SCAPER: variants seen among roughly 807,000 people sequenced by gnomAD.
SCAPER encodes the protein S-phase cyclin A associated protein in the ER, also known as S phase cyclin A-associated protein in the endoplasmic reticulum.
In SCAPER, 98 loss-of-function variants were observed where a neutral mutation model predicts 182.2. The ratio of observed to expected loss-of-function variants is 0.54; its 90% CI spans 0.46 to 0.64. The LOEUF (loss-of-function observed/expected upper bound fraction) is 0.64. Among genes scored for constraint, SCAPER ranks in the 30% least tolerant of loss-of-function variants. SCAPER has a pLI of 0.00. For missense variants in SCAPER, 1,432 were observed against 1,690.0 expected (o/e 0.85, Z 2.68); for synonymous variants, 605 against 564.6 (o/e 1.07, Z -1.01).
In SCAPER at chr15:76,876,247, A is replaced by G. The variant is rs1434380391; in HGVS notation, c.6+7565T>C. ...AGCCGGCTCTGGCCTCAACCAGCCC[A>G]GAGAGGGGCCCCCACAGCTCAGTGG... is the stretch of plus-strand genomic sequence containing the variant. On this transcript the variant is annotated intron_variant, in intron 2 of 31. Transcript: ENST00000563290. Among the ~76,000 whole-genome samples, 3 of 152,134 alleles carry G rather than the reference A, an allele frequency of 2.0e-5. 1 individual carries two copies. In the East Asian group the frequency reaches 5.8e-4, roughly 29 times the overall value.
intron 23 of SCAPER, among the ~76,000 whole-genome samples, chr15:76,533,081 C>A (rs188858195): frequency 1.3e-5 from 2 of 152,240 alleles, no homozygotes; most frequent in East Asian, 3.9e-4. Flanking sequence ...AATGATGTAG[C>A]TGGGCAAGGA....
chr15:76,791,171 C>G (rs1000951086), intron 8 of SCAPER, among the ~76,000 whole-genome samples: 4 of 152,128 alleles, frequency 2.6e-5, no homozygotes, highest in Non-Finnish European at 4.4e-5. Context: ...ATTTAAATCA[C>G]CTGAAATTTG....
intron 21 of SCAPER, among the ~76,000 whole-genome samples, chr15:76,625,342 G>T (rs2146157078): frequency 6.6e-6 from 1 of 152,324 alleles, no homozygotes; most frequent in South Asian, 2.1e-4. Flanking sequence ...CAGCTGGGAA[G>T]CATGCACATT....
At chr15:76,670,113 T>C (rs937473340) in intron 20 of SCAPER, among the ~76,000 whole-genome samples, 2 of 152,050 alleles carry the variant, frequency 1.3e-5, no homozygotes, top group African/African-American at 4.8e-5. Context: ...CAGAGACAAA[T>C]GAGCATGTTT....
chr15:76,375,014 C>A (rs751253782), intron 29 of SCAPER, among the ~76,000 whole-genome samples: 1 of 151,558 alleles, frequency 6.6e-6, no homozygotes, highest in African/African-American at 2.4e-5. Context: ...ATTGCTTGAG[C>A]CCAGGAGTTC....
chr15:76,702,891 GGGT>G lies in SCAPER; in HGVS notation c.2356_2358del (p.Thr786del). On this transcript the variant is annotated inframe_deletion, in exon 19 of 32. Coordinates refer to ENST00000563290, the MANE Select transcript of SCAPER (RefSeq NM_020843.4). The stretch of plus-strand genomic sequence containing the variant: ...GAACACTGCTTCTTTCTTTCATAAG[GGGT>G]CAGTTTGGGGGCATAATCAGTATTT... The G allele has an allele frequency of 6.2e-7, 1 of 1,608,506 alleles. No homozygotes were observed. Among genetic ancestry groups the G allele is most frequent in the Non-Finnish European group, 8.5e-7 (1 of 1,178,504 alleles).
At chr15:76,778,267 A>G (rs932011619) in intron 8 of SCAPER, among the ~76,000 whole-genome samples, 2 of 152,174 alleles carry the variant, frequency 1.3e-5, no homozygotes, top group African/African-American at 4.8e-5. Context: ...TATATTTTAA[A>G]AATGGAGAGA....
At chr15:76,767,158 T>A in intron 10 of SCAPER, 70 bp from the exon 11 acceptor site, 4 of 1,363,986 alleles carry the variant, frequency 2.9e-6, no homozygotes, top group Non-Finnish European at 4.0e-6. Context: ...ATTTTTTATG[T>A]TCTAACATGA....
chr15:76,409,581 A>T (rs972515261), intron 26 of SCAPER, among the ~76,000 whole-genome samples: 2 of 151,944 alleles, frequency 1.3e-5, no homozygotes, highest in Non-Finnish European at 2.9e-5. Context: ...ATTAGGTAAT[A>T]TATCCATGTA....
chr15:76,775,048 A>G lies in SCAPER; in HGVS notation c.842T>C (p.Val281Ala). 6.2e-7 allele frequency: 1 copy of G among 1,613,832 alleles called. No individual in the cohort carries two copies. Among genetic ancestry groups the G allele is most frequent in the Non-Finnish European group, 8.5e-7 (1 of 1,179,804 alleles). The change falls in exon 9 of 32, where the codon GTG becomes GCG. Residue 281 changes from valine (V) to alanine (A), a missense_variant. Physicochemically the swap from Val to Ala is moderately conservative, Grantham distance 64. Around this residue, in one of 5 missense-constraint regions of SCAPER, gnomAD observed 480 missense variants for 510.2 expected, o/e 0.94. Transcript: ENST00000563290. ...TGTTGCCAATGAAACTTTTGGCATC[A>G]CTGCTGTTGATCGAGAACGAATAGG... ...GRPIRSRSTA[V>A]MPKVSLATEA...
intron 17 of SCAPER, among the ~76,000 whole-genome samples, chr15:76,715,625 C>A (rs367712698): frequency 2.7e-4 from 41 of 152,220 alleles, no homozygotes; most frequent in East Asian, 1.5e-3. Context: ...TATACCAAGT[C>A]AGGGTCCCAA....
intron 26 of SCAPER, among the ~76,000 whole-genome samples, chr15:76,413,991 T>C (rs1038990861): frequency 2.0e-5 from 3 of 152,228 alleles, no homozygotes; most frequent in East Asian, 1.9e-4. Flanking sequence ...TAAGTTAATA[T>C]GGCAATTTCT....
At chr15:76,361,448 C>T (rs954013553) in intron 29 of SCAPER, among the ~76,000 whole-genome samples, 2 of 152,286 alleles carry the variant, frequency 1.3e-5, no homozygotes, top group Middle Eastern at 3.4e-3. Context: ...CCACAAAATC[C>T]ACACCAGTTA....
intron 28 of SCAPER, chr15:76,380,298 T>G (rs565807018): frequency 4.1e-4 from 62 of 152,310 alleles, no homozygotes; most frequent in African/African-American, 1.4e-3. Flanking sequence ...CTCCTAAGGC[T>G]AGTTCAACTG....
At chr15:76,432,077 C>T (rs150726854) in intron 26 of SCAPER, among the ~76,000 whole-genome samples, 111 of 152,314 alleles carry the variant, frequency 7.3e-4, no homozygotes, top group African/African-American at 2.2e-3. Context: ...ATGGATCTTC[C>T]GCTTCATCAC....
At chr15:76,701,187 T>C (rs181692636) in intron 20 of SCAPER, among the ~76,000 whole-genome samples, 1 of 152,198 alleles carries the variant, frequency 6.6e-6, no homozygotes, top group Admixed American at 6.5e-5. Context: ...ACAGCTTGAG[T>C]TGCTTAACAA....
intron 8 of SCAPER, among the ~76,000 whole-genome samples, chr15:76,784,967 T>C (rs2064467169): frequency 3.3e-5 from 5 of 152,312 alleles, no homozygotes; most frequent in Admixed American, 1.3e-4. Context: ...GACATAAGCA[T>C]GGGCAAAGAC....
chr15:76,621,589 A>G (rs932767091), intron 22 of SCAPER, among the ~76,000 whole-genome samples, 175 bp downstream of exon 22: 2 of 152,190 alleles, frequency 1.3e-5, no homozygotes, highest in African/African-American at 4.8e-5. Flanking sequence ...GTGCCCAGAC[A>G]TGGCCAAATA....
intron 8 of SCAPER, among the ~76,000 whole-genome samples, chr15:76,789,542 T>C (rs1423455953): frequency 6.6e-6 from 1 of 152,144 alleles, no homozygotes; most frequent in African/African-American, 2.4e-5. Context: ...GAGGAGTATA[T>C]CAAACTAGGA....
Sources: gnomAD v4.1 joint callset for allele counts (sites outside exome capture counted in the v4.1 genomes callset) on GRCh38, gnomAD v4.1.1 for gene constraint, gnomAD v4.1.1 regional missense constraint, MANE v1.5 for transcripts, NCBI Gene and HGNC (gene_info 2026-07-23, HGNC 2026-07-21) for gene names.